BANP: variants seen among roughly 807,000 people sequenced by gnomAD.
The protein encoded by BANP is protein BANP.
BANP carries 11 observed loss-of-function variants against 68.1 expected under a neutral mutation model. That is an observed-to-expected ratio of 0.16 (90% CI 0.10 to 0.27). BANP has a LOEUF of 0.27. Among genes scored for constraint, BANP ranks in the 10% least tolerant of loss-of-function variants. The probability of loss-of-function intolerance (pLI) is 1.00; values close to 1 mark genes in which losing one functional copy is unlikely to be tolerated. For synonymous variants in BANP, 329 were observed against 303.2 expected, an observed-to-expected ratio of 1.09 and a Z score of -0.88; for missense variants, 504 against 722.7, an observed-to-expected ratio of 0.70 and a Z score of 3.47.
At chr16:87,949,302 G>C (rs2056609817), upstream of BANP, 1 of 152,214 alleles carries the variant, frequency 6.6e-6, no homozygotes, top group South Asian at 2.1e-4. Context: ...GTGTTTTCAA[G>C]CCAGATATTC....
At position 88,072,954 on chromosome 16, in the gene BANP, C is replaced by T. The variant is rs190941398; in HGVS notation, c.1521+742C>T. Among the ~76,000 whole-genome samples the T allele has an allele frequency of 7.6e-4, 116 of 152,352 alleles. 2 individuals carry two copies. Among genetic ancestry groups the T allele is most frequent in the South Asian group, 5.2e-3 (25 of 4,832 alleles). ...CCCAGCCCTTCTGGAACATTCTGGC[C>T]GCTGTCTTTGGGTCTGTTCCGCTCC... is the stretch of plus-strand genomic sequence containing the variant. On this transcript the variant is annotated intron_variant, in intron 13 of 13. Transcript: ENST00000682872.
In BANP at chr16:87,998,780, G is replaced by T. The variant is rs376139532; in HGVS notation, c.363-5515G>T. 2.7e-5 allele frequency among the ~76,000 whole-genome samples: 4 copies of T among 145,878 alleles called. No individual in the cohort carries two copies. In the East Asian group the frequency reaches 8.2e-4, roughly 30 times the overall value. On this transcript the variant is annotated intron_variant, in intron 4 of 13. Transcript: ENST00000682872. ...GACACCCAGACACGTCTCCATGCAC[G>T]CACGTGCGCGGCTGTACTTACCTGT...
chr16:87,980,200 T>C (rs1481083505), intron 2 of BANP, among the ~76,000 whole-genome samples: 3 of 152,228 alleles, frequency 2.0e-5, no homozygotes, highest in Non-Finnish European at 2.9e-5. Context: ...TAACAAGAAC[T>C]GTTGACCTTG....
At chr16:88,058,244 G>A (rs78046063) in intron 11 of BANP, among the ~76,000 whole-genome samples, 2,417 of 152,274 alleles carry the variant, frequency 0.016, 72 homozygotes, top group African/African-American at 0.054. Context: ...GGAAACTGAA[G>A]GACAGTGCGA....
chr16:87,960,592 G>A (rs754144111), intron 1 of BANP, among the ~76,000 whole-genome samples: 2 of 152,162 alleles, frequency 1.3e-5, no homozygotes, highest in African/African-American at 2.4e-5. Flanking sequence ...CTAACAAGAC[G>A]CATGACAGCA....
At position 88,021,296 on chromosome 16, in the gene BANP, G is replaced by T. The variant is rs187258642; in HGVS notation, c.895+2629G>T. On this transcript the variant is annotated intron_variant, in intron 7 of 13. Coordinates refer to ENST00000682872, the MANE Select transcript of BANP (RefSeq NM_001386991.1). ...GCACGGTCCCCTGGCAGGGGCGTCC[G>T]CTAGCACCGTCATTCTGCTGGAAGT... 6.0e-3 allele frequency among the ~76,000 whole-genome samples: 908 copies of T among 152,306 alleles called. 30 individuals are homozygous for T. Among genetic ancestry groups the T allele is most frequent in the Admixed American group, 0.056 (860 of 15,298 alleles).
chr16:87,973,964 C>G (rs2061586229), intron 1 of BANP, among the ~76,000 whole-genome samples: 2 of 151,998 alleles, frequency 1.3e-5, no homozygotes, highest in Non-Finnish European at 1.5e-5. Context: ...ACCATGTGAC[C>G]TGAAAACCTT....
intron 4 of BANP, among the ~76,000 whole-genome samples, chr16:87,988,621 C>T (rs552860622): frequency 6.6e-6 from 1 of 152,104 alleles, no homozygotes; most frequent in Non-Finnish European, 1.5e-5. Context: ...AGAGTATTAC[C>T]TCCAAATCAT....
chr16:87,969,135 C>G (rs1318643915), intron 1 of BANP, among the ~76,000 whole-genome samples: 1 of 152,154 alleles, frequency 6.6e-6, no homozygotes, highest in African/African-American at 2.4e-5. Context: ...TTCGGGGGCT[C>G]TTGTTGACTC....
chr16:88,033,260 C>T lies in BANP; in HGVS notation c.1200+15C>T. On this transcript the variant is annotated intron_variant, in intron 9 of 13. Coordinates refer to ENST00000682872, the MANE Select transcript of BANP (RefSeq NM_001386991.1). ...AGGTGCAAGTAGTACGTACCCTCTC[C>T]ACCTCACACCTTGGGAAAGGGGGCT... is the stretch of plus-strand genomic sequence containing the variant. 1 of 1,545,112 alleles carries T rather than the reference C, an allele frequency of 6.5e-7. No homozygotes were observed.
intron 9 of BANP, 63 bp from the exon 10 acceptor site, chr16:88,035,260 G>T: frequency 3.6e-6 from 5 of 1,394,970 alleles, no homozygotes; most frequent in Non-Finnish European, 5.0e-6. Flanking sequence ...TCCGGAAGAT[G>T]TTTCTTGTTT....
chr16:87,996,453 G>A (rs1015080458), intron 4 of BANP, among the ~76,000 whole-genome samples: 60 of 120,342 alleles, frequency 5.0e-4, no homozygotes, highest in African/African-American at 1.4e-3. Flanking sequence ...GCCCTCGTCC[G>A]GGTGCCAGCT....
At chr16:88,048,679 C>CGCTCACA (rs2082558566) in intron 11 of BANP, among the ~76,000 whole-genome samples, 1 of 151,192 alleles carries the variant, frequency 6.6e-6, no homozygotes, top group Non-Finnish European at 1.5e-5. Context: ...ATTGAATCGG[C>CGCTCACA]GCTCACAACA....
rs1388179161 is a variant in BANP at position 87,957,590 on chromosome 16, G to C, written c.-69+6075G>C. Among the ~76,000 whole-genome samples, 5 of 152,224 alleles carry C rather than the reference G, an allele frequency of 3.3e-5. No homozygotes were observed. The highest frequency in any genetic ancestry group is 1.2e-4 in the African/African-American group (5 of 41,448). ...AGTTACCTTCTGTGTCTGAGAGAAG[G>C]CCGTTGTGGCCTGTAGTGATTTTCC... On this transcript the variant is annotated intron_variant, in intron 1 of 13. Transcript: ENST00000682872. This position sits in a 1 kb window ranked among gnomAD's most constrained non-coding sequence, Gnocchi z 4.3.
chr16:88,072,258 C>T (rs372917438), intron 13 of BANP, 46 bp downstream of exon 13: 18 of 1,560,788 alleles, frequency 1.2e-5, no homozygotes, highest in African/African-American at 2.7e-5. Context: ...ATGGCATGGC[C>T]GCCTGCCGCT....
intron 11 of BANP, among the ~76,000 whole-genome samples, chr16:88,040,625 T>C (rs1373163822): frequency 2.0e-5 from 3 of 152,236 alleles, no homozygotes; most frequent in East Asian, 3.9e-4. Context: ...GGATAGTGCA[T>C]GCAGGTCTAG....
rs1236142049 is a variant in BANP, at chr16:88,071,650, G to A, written c.1378-419G>A. The A allele has an allele frequency of 6.4e-6, 3 of 466,608 alleles. No homozygotes were observed. The highest frequency in any genetic ancestry group is 6.6e-5 in the East Asian group (1 of 15,060). The allele number at this position is 466,608 out of a possible 1,614,324, so 28.9% of individuals were successfully genotyped here. On this transcript the variant is annotated intron_variant, in intron 12 of 13. Coordinates refer to ENST00000682872, the MANE Select transcript of BANP (RefSeq NM_001386991.1). The surrounding 1 kb of genome is among the most constrained non-coding windows in gnomAD (Gnocchi z 6.5). ...GGGAGGGTTTGGGTCTCAGCCTCAC[G>A]CTCACGGTCCTGGCTTGGATTTTAG...
At chr16:88,049,157 A>G (rs551710404) in intron 11 of BANP, among the ~76,000 whole-genome samples, 79 of 152,204 alleles carry the variant, frequency 5.2e-4, no homozygotes, top group African/African-American at 1.9e-3. Flanking sequence ...GGGCTCGGGG[A>G]CTGCCGCCCA....
chr16:88,027,376 G>T, intron 7 of BANP, 107 bp from the exon 8 acceptor site: 1 of 1,247,018 alleles, frequency 8.0e-7, no homozygotes, highest in Non-Finnish European at 1.1e-6. Flanking sequence ...GGCGGGCTGG[G>T]GTGCCTGGGT....
Sources: allele counts gnomAD v4.1 joint callset (sites outside exome capture counted in the v4.1 genomes callset), GRCh38; gene constraint gnomAD v4.1.1; non-coding constraint Gnocchi (gnomAD v3.1); transcripts MANE v1.5; gene names NCBI Gene and HGNC (gene_info 2026-07-23, HGNC 2026-07-21).